The following DACH2 variants were observed in gnomAD, a reference collection of about 807,000 sequenced individuals.
The protein encoded by DACH2 is dachshund family transcription factor 2, also known as dachshund homolog 2.
Under a neutral mutation model 35.8 loss-of-function variants are expected in DACH2, and 17 were observed. The observed-to-expected ratio is 0.48, with a 90% CI of 0.33 to 0.71. The LOEUF (loss-of-function observed/expected upper bound fraction) is 0.71. Among genes scored for constraint, DACH2 ranks in the 30% least tolerant of loss-of-function variants. The pLI, the probability that DACH2 is intolerant of heterozygous loss-of-function variation, is 0.02. For synonymous variants in DACH2, 195 were observed against 177.3 expected, an observed-to-expected ratio of 1.10 and a Z score of -0.79; for missense variants, 469 against 472.7, an observed-to-expected ratio of 0.99 and a Z score of 0.07.
chrX:86,396,215 G>A (rs1303464272), intron 2 of DACH2, among the ~76,000 whole-genome samples: 60 of 105,423 alleles, frequency 5.7e-4, no homozygotes, highest in South Asian at 2.1e-3. Context: ...CATGTCCTTC[G>A]CCCGCTTTTT....
intron 3 of DACH2, among the ~76,000 whole-genome samples, chrX:86,602,544 T>C (rs890417347): frequency 6.2e-5 from 7 of 112,308 alleles, no homozygotes; most frequent in African/African-American, 2.3e-4. Flanking sequence ...TTAGGCATTT[T>C]AACAGGGATG....
chrX:86,517,191 T>C (rs748777379), intron 3 of DACH2, among the ~76,000 whole-genome samples: 4 of 111,626 alleles, frequency 3.6e-5, no homozygotes, highest in Non-Finnish European at 5.6e-5. Flanking sequence ...AAGTGTTCCT[T>C]TTCTCTGCAA....
At chrX:86,288,235 G>C (rs908839140) in intron 1 of DACH2, among the ~76,000 whole-genome samples, 3 of 109,284 alleles carry the variant, frequency 2.7e-5, no homozygotes, top group East Asian at 5.8e-4. Flanking sequence ...TATCTCCCAA[G>C]AAAAGGAGTC....
intron 1 of DACH2, among the ~76,000 whole-genome samples, chrX:86,231,575 G>C (rs1025512684): frequency 5.5e-4 from 61 of 111,260 alleles, no homozygotes; most frequent in African/African-American, 2.0e-3. Flanking sequence ...CCGAAGGCCT[G>C]GTCTCACTCC....
intron 3 of DACH2, among the ~76,000 whole-genome samples, chrX:86,562,505 T>A (rs1569441161): frequency 9.0e-6 from 1 of 111,360 alleles, no homozygotes; most frequent in Non-Finnish European, 1.9e-5. Context: ...TAACAATCTT[T>A]CCAAAACCTC....
At chrX:86,329,070 G>C (rs948044814) in intron 1 of DACH2, among the ~76,000 whole-genome samples, 19 of 111,400 alleles carry the variant, frequency 1.7e-4, no homozygotes, top group Middle Eastern at 9.3e-3. Context: ...GTGCGGATGG[G>C]GAGGGGTATT....
intron 2 of DACH2, among the ~76,000 whole-genome samples, chrX:86,444,176 G>A (rs2037219361): frequency 1.8e-5 from 2 of 111,663 alleles, no homozygotes; most frequent in Non-Finnish European, 3.8e-5. Context: ...CTGTAGCCTT[G>A]AACTCAGCTT....
intron 1 of DACH2, among the ~76,000 whole-genome samples, chrX:86,369,942 A>G (rs909305191): frequency 9.0e-6 from 1 of 111,517 alleles, no homozygotes; most frequent in African/African-American, 3.3e-5. Flanking sequence ...TATGTTTTAT[A>G]AAAATAACCT....
chrX:86,294,532 G>A (rs1027826812), intron 1 of DACH2, among the ~76,000 whole-genome samples: 2 of 110,387 alleles, frequency 1.8e-5, no homozygotes, highest in Non-Finnish European at 3.8e-5. Flanking sequence ...TTTCTGCTCT[G>A]TTTTTTCCCC....
intron 2 of DACH2, among the ~76,000 whole-genome samples, chrX:86,428,515 G>A (rs746612896): frequency 9.0e-6 from 1 of 111,698 alleles, no homozygotes; most frequent in South Asian, 3.7e-4. Flanking sequence ...ATGATGTTTT[G>A]GGTTTAAGGG....
At chrX:86,701,162 C>T (rs191187007) in intron 5 of DACH2, among the ~76,000 whole-genome samples, 1 of 111,345 alleles carries the variant, frequency 9.0e-6, no homozygotes, top group Admixed American at 9.6e-5. Context: ...GCTAATCCAC[C>T]ATGATCAAGT....
intron 1 of DACH2, among the ~76,000 whole-genome samples, chrX:86,215,425 A>T (rs1477487642): frequency 1.8e-5 from 2 of 112,023 alleles, no homozygotes; most frequent in African/African-American, 3.2e-5. Context: ...ATAGCTCGTC[A>T]TATATAAGCT....
intron 2 of DACH2, among the ~76,000 whole-genome samples, chrX:86,509,314 C>T (rs1019635351): frequency 9.8e-5 from 11 of 112,040 alleles, no homozygotes; most frequent in African/African-American, 3.2e-4. Context: ...GAACCAAGAG[C>T]TGATTGATGC....
chrX:86,275,202 T>C (rs1602345006), intron 1 of DACH2, among the ~76,000 whole-genome samples: 1 of 112,229 alleles, frequency 8.9e-6, no homozygotes, highest in East Asian at 2.8e-4. Flanking sequence ...ACAAGGGGTT[T>C]ATGCCACAAA....
intron 1 of DACH2, among the ~76,000 whole-genome samples, chrX:86,263,505 A>T (rs2147964641): frequency 8.9e-6 from 1 of 111,895 alleles, no homozygotes; most frequent in Non-Finnish European, 1.9e-5. Flanking sequence ...TTGAATTTTA[A>T]TGCAATTATT....
At chrX:86,814,871 C>A in intron 10 of DACH2, 37 bp downstream of exon 10, 8 of 1,131,516 alleles carry the variant, frequency 7.1e-6, no homozygotes, top group South Asian at 2.2e-5. Flanking sequence ...TCAAGGTAAA[C>A]AAAGCAAAAC....
chrX:86,803,834 C>T (rs1404771851), intron 7 of DACH2, among the ~76,000 whole-genome samples: 1 of 110,637 alleles, frequency 9.0e-6, no homozygotes, highest in Admixed American at 9.7e-5. Flanking sequence ...TAAATTGTCT[C>T]AATGAGGTAG....
At chrX:86,688,507 T>C (rs1046237640) in intron 4 of DACH2, among the ~76,000 whole-genome samples, 4 of 111,955 alleles carry the variant, frequency 3.6e-5, no homozygotes, top group Admixed American at 2.8e-4. Flanking sequence ...AAAGAGATGA[T>C]AATGATACTT....
chrX:86,380,058 A>G (rs1181516115), intron 2 of DACH2, among the ~76,000 whole-genome samples: 2 of 111,390 alleles, frequency 1.8e-5, no homozygotes, highest in Admixed American at 1.9e-4. Flanking sequence ...GCATAGACAT[A>G]TAAATAAGAT....
Sources: gnomAD v4.1 joint callset for allele counts (sites outside exome capture counted in the v4.1 genomes callset) on GRCh38, gnomAD v4.1.1 for gene constraint, MANE v1.5 for transcripts, NCBI Gene and HGNC (gene_info 2026-07-23, HGNC 2026-07-21) for gene names.